MPP7: variants seen among roughly 807,000 people sequenced by gnomAD.
MPP7 encodes MAGUK p55 subfamily member 7.
In MPP7, 60 loss-of-function variants were observed where a neutral mutation model predicts 76.5. The observed-to-expected ratio is 0.78, with a 90% CI of 0.64 to 0.97. MPP7 has a LOEUF of 0.97. Among genes scored for constraint, MPP7 ranks in the 50% least tolerant of loss-of-function variants. The probability of loss-of-function intolerance (pLI) is 0.00; values close to 1 mark genes in which losing one functional copy is unlikely to be tolerated. For synonymous variants in MPP7, 237 were observed against 244.5 expected, an observed-to-expected ratio of 0.97 and a Z score of 0.29; for missense variants, 641 against 694.0, an observed-to-expected ratio of 0.92 and a Z score of 0.86.
chr10:28,302,521 T>C (rs1261088178), intron 1 of MPP7, among the ~76,000 whole-genome samples: 1 of 152,152 alleles, frequency 6.6e-6, no homozygotes, highest in Non-Finnish European at 1.5e-5. Context: ...GGACTCTGAC[T>C]CAACTCCGCA....
At chr10:28,159,841 T>C (rs1836197705) in intron 3 of MPP7, among the ~76,000 whole-genome samples, 1 of 152,222 alleles carries the variant, frequency 6.6e-6, no homozygotes. Flanking sequence ...CATGATATTA[T>C]GCATTGATCA....
chr10:28,325,811 CA>C (rs1248131718), intron 2 of MPP7, among the ~76,000 whole-genome samples: 1 of 151,946 alleles, frequency 6.6e-6, no homozygotes, highest in East Asian at 1.9e-4. Flanking sequence ...CACATTTCTA[CA>C]AAAAATTTAA....
chr10:28,097,891 G>T (rs545292648), intron 11 of MPP7, among the ~76,000 whole-genome samples: 68 of 152,146 alleles, frequency 4.5e-4, no homozygotes, highest in African/African-American at 1.6e-3. Context: ...CACAATGCAG[G>T]ACCATGACTA....
chr10:28,264,588 T>A (rs931545061), intron 1 of MPP7, among the ~76,000 whole-genome samples: 29 of 150,810 alleles, frequency 1.9e-4, no homozygotes, highest in Admixed American at 1.1e-3. Context: ...TTTTTTTTTT[T>A]AAATAAAATA....
In MPP7 at chr10:28,296,812, A is replaced by G. The variant is rs577147682; in HGVS notation, c.-132+6049T>C. 4.7e-3 allele frequency among the ~76,000 whole-genome samples: 723 copies of G among 152,272 alleles called. 3 individuals carry two copies. Among genetic ancestry groups the G allele is most frequent in the South Asian group, 7.1e-3 (34 of 4,820 alleles). On this transcript the variant is annotated intron_variant, in intron 1 of 16. Transcript: ENST00000683449. ...TTTTTTGTTTTTGTTTTTTTACTTA[A>G]GTATCTGTTCATAGTAGGTAGCAAA...
intron 3 of MPP7, among the ~76,000 whole-genome samples, chr10:28,194,844 C>T (rs1172149352): frequency 6.6e-6 from 1 of 152,104 alleles, no homozygotes; most frequent in East Asian, 1.9e-4. Context: ...AAGAATAAAC[C>T]TTAATGTAGA....
chr10:28,297,929 G>C (rs1340375158), intron 1 of MPP7, among the ~76,000 whole-genome samples: 2 of 152,192 alleles, frequency 1.3e-5, no homozygotes, highest in Non-Finnish European at 2.9e-5. Context: ...CTCTCAAGAA[G>C]CCACTTTCTT....
chr10:28,324,409 G>C (rs1834392827), intron 2 of MPP7, among the ~76,000 whole-genome samples: 1 of 152,184 alleles, frequency 6.6e-6, no homozygotes, highest in Admixed American at 6.5e-5. Context: ...AACAGACTAA[G>C]ACAATAGAAA....
chr10:28,057,605 C>CTTTTTTTTTTTT (rs59550501), intron 15 of MPP7: 7 of 122,450 alleles, frequency 5.7e-5, no homozygotes, highest in African/African-American at 4.7e-4. Context: ...AATTAAACCT[C>CTTTTTTTTTTTT]TTTTTTTTTT....
At chr10:28,140,287 G>A (rs1170415321) in intron 5 of MPP7, among the ~76,000 whole-genome samples, 1 of 152,184 alleles carries the variant, frequency 6.6e-6, no homozygotes, top group East Asian at 1.9e-4. Context: ...GGGGCAGGCG[G>A]ATCACCAGAC....
At chr10:28,203,633 A>G (rs1389031783) in intron 2 of MPP7, among the ~76,000 whole-genome samples, 4 of 152,160 alleles carry the variant, frequency 2.6e-5, no homozygotes, top group African/African-American at 9.7e-5. Flanking sequence ...TTTGTAAGGT[A>G]TCTCAGCCTA....
intron 1 of MPP7, among the ~76,000 whole-genome samples, chr10:28,250,525 C>G (rs1839582662): frequency 6.6e-6 from 1 of 152,200 alleles, no homozygotes; most frequent in Non-Finnish European, 1.5e-5. Flanking sequence ...CCACCTCCAA[C>G]CCATCCTACA....
At chr10:28,173,089 C>A (rs182904658) in intron 3 of MPP7, among the ~76,000 whole-genome samples, 13 of 151,880 alleles carry the variant, frequency 8.6e-5, no homozygotes, top group African/African-American at 3.1e-4. Flanking sequence ...GGAGGAACAA[C>A]AGTGGCAAAA....
upstream of MPP7, among the ~76,000 whole-genome samples, chr10:28,306,196 C>T (rs1253499165): frequency 1.3e-5 from 2 of 152,186 alleles, no homozygotes; most frequent in Admixed American, 6.5e-5. Flanking sequence ...CAAAGTATCT[C>T]AGTACATCCA....
At chr10:28,253,806 G>C (rs768804511) in intron 1 of MPP7, among the ~76,000 whole-genome samples, 3 of 151,778 alleles carry the variant, frequency 2.0e-5, no homozygotes, top group Admixed American at 1.3e-4. Context: ...GACCAGCCTG[G>C]TCAACATGGC....
rs1344040088 is a variant in MPP7, at chr10:28,179,174, A to G, written c.156+22979T>C. 2.0e-5 allele frequency among the ~76,000 whole-genome samples: 3 copies of G among 152,164 alleles called. No homozygotes were observed. In the East Asian group the frequency reaches 5.8e-4, roughly 29 times the overall value. On this transcript the variant is annotated intron_variant, in intron 3 of 16. Coordinates refer to ENST00000683449, the MANE Select transcript of MPP7 (RefSeq NM_001318170.2). Reference sequence around the variant, plus strand: ...CTCATCACTGTGAAATTTCTCCTCCAACACACTCACACTGGTTAATTCTTC... The same window carrying G: ...CTCATCACTGTGAAATTTCTCCTCCGACACACTCACACTGGTTAATTCTTC...
chr10:28,147,563 G>C lies in MPP7; in HGVS notation c.235C>G (p.Leu79Val), dbSNP rs1263177194. Residue 79 changes from leucine to valine, a missense_variant and splice_region_variant, in exon 5 of 17, where the codon CTG (leucine) becomes GTG (valine). Transcript: ENST00000683449. ...LHGAAALADD[L>V]AEELQNKPLN... ...GGCTTGTTCTGAAGCTCTTCGGCCA[G>C]CTGCAACGGAGATTACATTGACTTA... 1.9e-6 allele frequency: 3 copies of C among 1,613,732 alleles called. No homozygotes were observed. The highest frequency in any genetic ancestry group is 1.7e-5 in the Admixed American group (1 of 60,022).
chr10:28,137,688 G>A (rs16928528), intron 5 of MPP7, among the ~76,000 whole-genome samples: 3,298 of 152,216 alleles, frequency 0.022, 99 homozygotes, highest in African/African-American at 0.072. Flanking sequence ...CCATTATCCT[G>A]TTTTAACTGA....
chr10:28,123,462 CTT>C (rs200098933), intron 8 of MPP7, among the ~76,000 whole-genome samples: 1,178 of 92,508 alleles, frequency 0.013, 15 homozygotes, highest in African/African-American at 0.046. Flanking sequence ...GTACTAAATT[CTT>C]TTTTTTTTTT....
Sources: gnomAD v4.1 joint callset for allele counts (sites outside exome capture counted in the v4.1 genomes callset) on GRCh38, gnomAD v4.1.1 for gene constraint, MANE v1.5 for transcripts, NCBI Gene and HGNC (gene_info 2026-07-23, HGNC 2026-07-21) for gene names.